Variants in TMEM132D observed in about 807,000 individuals in gnomAD.
The protein encoded by TMEM132D is mature OL transmembrane protein.
In TMEM132D, 21 loss-of-function variants were observed where a neutral mutation model predicts 62.3. That is an observed-to-expected ratio of 0.34 (90% CI 0.24 to 0.49). TMEM132D has a LOEUF of 0.49. TMEM132D is among the 20% of genes least tolerant of loss of function. The probability of loss-of-function intolerance (pLI) is 0.99; values close to 1 mark genes in which losing one functional copy is unlikely to be tolerated. For missense variants in TMEM132D, 1,346 were observed against 1,402.8 expected (o/e 0.96, Z 0.65); for synonymous variants, 621 against 575.6 (o/e 1.08, Z -1.13).
intron 4 of TMEM132D, among the ~76,000 whole-genome samples, chr12:129,222,303 C>G (rs1341348113): frequency 6.6e-6 from 1 of 152,074 alleles, no homozygotes; most frequent in Non-Finnish European, 1.5e-5. Context: ...AAAATCTTAT[C>G]AAGGTTATCC....
intron 5 of TMEM132D, among the ~76,000 whole-genome samples, chr12:129,139,256 C>T (rs553862213): frequency 6.6e-6 from 1 of 152,282 alleles, no homozygotes; most frequent in East Asian, 1.9e-4. Flanking sequence ...TTCCAGTAGT[C>T]TCTGACTTCA....
At chr12:129,112,561 G>C (rs1232506275) in intron 5 of TMEM132D, among the ~76,000 whole-genome samples, 2 of 152,236 alleles carry the variant, frequency 1.3e-5, no homozygotes, top group Non-Finnish European at 2.9e-5. Flanking sequence ...TACTCAGGAG[G>C]CTGAGGCAGG....
intron 3 of TMEM132D, among the ~76,000 whole-genome samples, chr12:129,409,397 C>T (rs1009708819): frequency 1.3e-5 from 2 of 152,160 alleles, no homozygotes; most frequent in Non-Finnish European, 2.9e-5. Context: ...CACACATGCA[C>T]GCACGCGCCT....
chr12:129,613,179 A>C (rs1273699350), intron 2 of TMEM132D, among the ~76,000 whole-genome samples: 4 of 152,152 alleles, frequency 2.6e-5, no homozygotes, highest in Admixed American at 2.6e-4. Flanking sequence ...TCACCCCGTC[A>C]CTTTGGCACG....
At chr12:129,500,131 C>T (rs1019793027) in intron 3 of TMEM132D, among the ~76,000 whole-genome samples, 7 of 144,830 alleles carry the variant, frequency 4.8e-5, no homozygotes, top group African/African-American at 1.6e-4. Context: ...CAGTCGATTA[C>T]CTCCAACACA....
intron 2 of TMEM132D, among the ~76,000 whole-genome samples, chr12:129,585,721 A>G (rs1056757563): frequency 2.6e-5 from 4 of 152,200 alleles, no homozygotes; most frequent in South Asian, 4.1e-4. Context: ...AGCATCTAGC[A>G]CAAAGATGAG....
chr12:129,621,797 C>T (rs561140065), intron 2 of TMEM132D, among the ~76,000 whole-genome samples: 1 of 152,328 alleles, frequency 6.6e-6, no homozygotes, highest in East Asian at 1.9e-4. Context: ...CAGAGACACA[C>T]AGCTGTTTAC....
chr12:129,428,221 G>A (rs1333577555), intron 3 of TMEM132D, among the ~76,000 whole-genome samples: 1 of 152,132 alleles, frequency 6.6e-6, no homozygotes, highest in African/African-American at 2.4e-5. Context: ...TACTTTAAAA[G>A]TTATTGTTTA....
chr12:129,312,790 A>C (rs1274832046), intron 4 of TMEM132D, among the ~76,000 whole-genome samples: 1 of 152,220 alleles, frequency 6.6e-6, no homozygotes, highest in Non-Finnish European at 1.5e-5. Context: ...CTCCATCCCC[A>C]AAGGACATAC....
At chr12:129,388,227 A>C (rs1871175842) in intron 3 of TMEM132D, among the ~76,000 whole-genome samples, 1 of 128,930 alleles carries the variant, frequency 7.8e-6, no homozygotes, top group African/African-American at 2.8e-5. Context: ...TAACACTAAC[A>C]CGAATCCTAA....
intron 1 of TMEM132D, among the ~76,000 whole-genome samples, chr12:129,883,670 A>G (rs1874670482): frequency 6.6e-6 from 1 of 152,250 alleles, no homozygotes; most frequent in Admixed American, 6.5e-5. Flanking sequence ...AAAATTAATC[A>G]GGACAATGTT....
intron 5 of TMEM132D, among the ~76,000 whole-genome samples, chr12:129,203,623 C>T (rs991845284): frequency 6.6e-6 from 1 of 152,244 alleles, no homozygotes; most frequent in African/African-American, 2.4e-5. Context: ...GACACAGCCT[C>T]CTGTTGCTCT....
At chr12:129,756,877 C>T (rs1016339705) in intron 1 of TMEM132D, among the ~76,000 whole-genome samples, 1 of 152,194 alleles carries the variant, frequency 6.6e-6, no homozygotes, top group Non-Finnish European at 1.5e-5. Flanking sequence ...TGCCTTCAGG[C>T]TGTGGAAGGT....
intron 5 of TMEM132D, among the ~76,000 whole-genome samples, chr12:129,132,458 G>T (rs1460222832): frequency 6.6e-6 from 1 of 152,178 alleles, no homozygotes; most frequent in African/African-American, 2.4e-5. Context: ...GGATTTACTT[G>T]TGAACACTTG....
intron 3 of TMEM132D, among the ~76,000 whole-genome samples, chr12:129,430,228 A>G (rs1405914039): frequency 6.6e-6 from 1 of 152,120 alleles, no homozygotes; most frequent in East Asian, 1.9e-4. Context: ...ATTTCTCCAC[A>G]TCCTCTCCAG....
chr12:129,175,068 CTTTAG>C (rs1387469009), intron 5 of TMEM132D, among the ~76,000 whole-genome samples: 8 of 152,156 alleles, frequency 5.3e-5, no homozygotes, highest in Non-Finnish European at 8.8e-5. Context: ...TGCAGAAGTT[CTTTAG>C]TTTAATTAGA....
intron 3 of TMEM132D, among the ~76,000 whole-genome samples, chr12:129,508,248 C>A (rs1472934468): frequency 1.3e-5 from 2 of 151,970 alleles, no homozygotes; most frequent in African/African-American, 4.8e-5. Context: ...TCCATTGAAA[C>A]CATCATGCTT....
chr12:129,886,710 G>T (rs1291911115), intron 1 of TMEM132D, among the ~76,000 whole-genome samples: 1 of 152,142 alleles, frequency 6.6e-6, no homozygotes, highest in Non-Finnish European at 1.5e-5. Flanking sequence ...ATATGGTCTG[G>T]CTGTGTCCCC....
intron 3 of TMEM132D, among the ~76,000 whole-genome samples, chr12:129,357,089 C>T (rs1446994340): frequency 6.6e-6 from 1 of 150,506 alleles, no homozygotes; most frequent in Non-Finnish European, 1.5e-5. Context: ...TACTAAAAAA[C>T]ACAAAAAGTT....
Sources: gnomAD v4.1 joint callset for allele counts (sites outside exome capture counted in the v4.1 genomes callset) on GRCh38, gnomAD v4.1.1 for gene constraint, MANE v1.5 for transcripts, NCBI Gene and HGNC (gene_info 2026-07-23, HGNC 2026-07-21) for gene names.